Variants in SESTD1 observed in about 807,000 individuals in gnomAD.
SESTD1 encodes SEC14 domain and spectrin repeat-containing protein 1.
A neutral mutation model predicts 101.7 loss-of-function variants in SESTD1; 43 were observed. The observed-to-expected ratio is 0.42, with a 90% CI of 0.33 to 0.55. SESTD1 has a LOEUF of 0.55. Ranked by LOEUF, SESTD1 falls within the 20% of genes least tolerant of loss-of-function variation. The probability of loss-of-function intolerance (pLI) is 0.07; values close to 1 mark genes in which losing one functional copy is unlikely to be tolerated. For synonymous variants in SESTD1, 283 were observed against 286.8 expected (o/e 0.99, Z 0.13); for missense variants, 647 against 815.1 (o/e 0.79, Z 2.51).
intron 1 of SESTD1, among the ~76,000 whole-genome samples, chr2:179,197,623 C>G (rs532599071): frequency 6.6e-6 from 1 of 152,350 alleles, no homozygotes; most frequent in East Asian, 1.9e-4. Context: ...TGCAGAAACT[C>G]TACAAGCCAG....
intron 1 of SESTD1, among the ~76,000 whole-genome samples, chr2:179,262,176 A>C (rs62177339): frequency 0.056 from 8,496 of 152,302 alleles, 323 homozygotes; most frequent in South Asian, 0.15. Flanking sequence ...ATAGAGACAT[A>C]AAGTAAATTA....
intron 8 of SESTD1, among the ~76,000 whole-genome samples, chr2:179,144,820 A>T (rs2045359107): frequency 6.6e-6 from 1 of 152,138 alleles, no homozygotes; most frequent in East Asian, 1.9e-4. Flanking sequence ...ACCTAGTAGC[A>T]TATAAAATTA....
intron 17 of SESTD1, 25 bp downstream of exon 17, chr2:179,112,699 A>G: frequency 6.4e-7 from 1 of 1,568,558 alleles, no homozygotes; most frequent in East Asian, 2.3e-5. Context: ...AATAAAAAAT[A>G]AAATTATAAG....
At chr2:179,177,810 A>G (rs1427847510) in intron 3 of SESTD1, among the ~76,000 whole-genome samples, 1 of 152,212 alleles carries the variant, frequency 6.6e-6, no homozygotes, top group African/African-American at 2.4e-5. Flanking sequence ...TCCACCAACT[A>G]ATGAAGAGGA....
intron 1 of SESTD1, 89 bp from the exon 2 acceptor site, chr2:179,191,955 A>C (rs1462844664): frequency 3.3e-5 from 28 of 850,014 alleles, no homozygotes; most frequent in Non-Finnish European, 5.1e-5. Flanking sequence ...AGAGTTTCTA[A>C]ACCTGAGAAC....
intron 1 of SESTD1, among the ~76,000 whole-genome samples, chr2:179,241,922 A>AT (rs1220817096): frequency 1.3e-4 from 19 of 146,006 alleles, no homozygotes; most frequent in East Asian, 6.0e-4. Flanking sequence ...ACATTGTCTC[A>AT]TAAAAAAAAA....
intron 4 of SESTD1, among the ~76,000 whole-genome samples, chr2:179,176,246 A>T (rs1376098305): frequency 1.3e-5 from 2 of 152,216 alleles, no homozygotes; most frequent in African/African-American, 4.8e-5. Context: ...CTATTAGAAT[A>T]GAGGTGAGAT....
In SESTD1 at chr2:179,106,207, G is replaced by T. The variant is rs1249848055; in HGVS notation, c.*3692C>A. 1 of 152,116 alleles carries T rather than the reference G, an allele frequency of 6.6e-6. No homozygotes were observed. Among genetic ancestry groups the T allele is most frequent in the East Asian group, 1.9e-4 (1 of 5,188 alleles). The allele number at this position is 152,116 out of a possible 1,614,324, so 9.4% of individuals were successfully genotyped here. On this transcript the variant is annotated 3_prime_UTR_variant, in exon 18 of 18. Transcript: ENST00000428443. ...TCCTAATCATACAGATCTCACTACTGATGATAATATACTTAATGGTGCTTG... is the reference window on the plus strand; with the variant it reads ...TCCTAATCATACAGATCTCACTACTTATGATAATATACTTAATGGTGCTTG...
At chr2:179,215,388 A>G (rs138769447) in intron 1 of SESTD1, among the ~76,000 whole-genome samples, 10,162 of 134,794 alleles carry the variant, frequency 0.075, 2,246 homozygotes, top group South Asian at 0.18. Flanking sequence ...TAGAAAATCT[A>G]GAAGAAATGA....
intron 1 of SESTD1, among the ~76,000 whole-genome samples, chr2:179,259,256 G>C (rs1178890158): frequency 6.6e-6 from 1 of 152,160 alleles, no homozygotes; most frequent in Non-Finnish European, 1.5e-5. Flanking sequence ...TTTTGAGACA[G>C]AGTCTCACTC....
chr2:179,196,270 A>G (rs1287268376), intron 1 of SESTD1, among the ~76,000 whole-genome samples: 1 of 152,240 alleles, frequency 6.6e-6, no homozygotes, highest in Non-Finnish European at 1.5e-5. Flanking sequence ...ACGGCGCACC[A>G]GGAGATTACA....
At chr2:179,249,495 A>G (rs1465206819) in intron 1 of SESTD1, among the ~76,000 whole-genome samples, 1 of 152,192 alleles carries the variant, frequency 6.6e-6, no homozygotes, top group African/African-American at 2.4e-5. Context: ...ACTACAAAAT[A>G]CTGATGAGAG....
chr2:179,197,069 TAGA>T (rs2046410315), intron 1 of SESTD1, among the ~76,000 whole-genome samples: 2 of 152,012 alleles, frequency 1.3e-5, no homozygotes, highest in Non-Finnish European at 2.9e-5. Flanking sequence ...GAAAAAAATT[TAGA>T]AGAATGTATA....
chr2:179,135,614 C>T (rs1441819854), intron 9 of SESTD1, among the ~76,000 whole-genome samples: 5 of 152,014 alleles, frequency 3.3e-5, no homozygotes, highest in Admixed American at 3.3e-4. Context: ...ATTAGCCAGG[C>T]GTGGTATGCA....
intron 5 of SESTD1, among the ~76,000 whole-genome samples, chr2:179,165,654 C>T (rs2045821879): frequency 6.6e-6 from 1 of 152,180 alleles, no homozygotes; most frequent in Non-Finnish European, 1.5e-5. Flanking sequence ...TACTTTCTTC[C>T]CTCACTATGC....
At chr2:179,127,314 G>C (rs75851023) in intron 10 of SESTD1, among the ~76,000 whole-genome samples, 3 of 152,152 alleles carry the variant, frequency 2.0e-5, no homozygotes, top group Non-Finnish European at 4.4e-5. Flanking sequence ...TCTCCTCAGA[G>C]AGGCCTTTCC....
In SESTD1 at chr2:179,182,485, T is replaced by G. The variant is rs201958739; in HGVS notation, c.164+595A>C. ...GATGACTAATACGCAGTCACAGTTG[T>G]GCCTCAGTCCCAATTATGGGAGAAG... On this transcript the variant is annotated intron_variant, in intron 3 of 17. Transcript: ENST00000428443. 9.2e-5 allele frequency among the ~76,000 whole-genome samples: 14 copies of G among 152,308 alleles called. 1 individual carries two copies. The East Asian group carries it at 2.5e-3, about 27-fold the overall frequency.
rs928869713 is a variant in SESTD1 at position 179,108,414 on chromosome 2, T to A, written c.*1485A>T. 13 of 152,224 alleles carry A rather than the reference T, an allele frequency of 8.5e-5. No homozygotes were observed. Among genetic ancestry groups the A allele is most frequent in the African/African-American group, 2.9e-4 (12 of 41,416 alleles). The allele number at this position is 152,224 out of a possible 1,614,324, so 9.4% of individuals were successfully genotyped here. A position where few individuals can be genotyped will look rare whatever the true frequency, so the allele number is the denominator to read the frequency against. ...CAGACGGAGAAAAAAACCATTCAGT[T>A]TGGTAACTGGGAGGCCATTGCTGAC... On this transcript the variant is annotated 3_prime_UTR_variant, in exon 18 of 18. Transcript: ENST00000428443.
intron 1 of SESTD1, among the ~76,000 whole-genome samples, chr2:179,236,074 T>C (rs1426103395): frequency 6.6e-6 from 1 of 152,166 alleles, no homozygotes; most frequent in Non-Finnish European, 1.5e-5. Context: ...CACTCTATTA[T>C]GATTATCATT....
Sources: gnomAD v4.1 joint callset for allele counts (sites outside exome capture counted in the v4.1 genomes callset) on GRCh38, gnomAD v4.1.1 for gene constraint, MANE v1.5 for transcripts, NCBI Gene and HGNC (gene_info 2026-07-23, HGNC 2026-07-21) for gene names.